The following RBMS3 variants were observed in gnomAD, a reference collection of about 807,000 sequenced individuals.
The protein encoded by RBMS3 is RNA-binding motif, single-stranded-interacting protein 3.
A neutral mutation model predicts 66.8 loss-of-function variants in RBMS3; 27 were observed. The ratio of observed to expected loss-of-function variants is 0.40; its 90% CI spans 0.30 to 0.56. The LOEUF is 0.56. RBMS3 is among the 20% of genes least tolerant of loss of function. The pLI, the probability that RBMS3 is intolerant of heterozygous loss-of-function variation, is 0.40. For missense variants in RBMS3, 513 were observed against 549.5 expected, an observed-to-expected ratio of 0.93 and a Z score of 0.66; for synonymous variants, 188 against 183.0, an observed-to-expected ratio of 1.03 and a Z score of -0.22.
intron 12 of RBMS3, among the ~76,000 whole-genome samples, chr3:29,977,463 A>G (rs1697668658): frequency 6.6e-6 from 1 of 152,172 alleles, no homozygotes; most frequent in Admixed American, 6.6e-5. Flanking sequence ...ATTCCACACT[A>G]ATAGAAACCA....
intron 5 of RBMS3, among the ~76,000 whole-genome samples, chr3:29,757,936 GTCTCA>G (rs1477542500): frequency 6.6e-6 from 1 of 152,074 alleles, no homozygotes; most frequent in Non-Finnish European, 1.5e-5. Flanking sequence ...TAGCTGTCCT[GTCTCA>G]TCAGCCTGCT....
intron 4 of RBMS3, among the ~76,000 whole-genome samples, chr3:29,671,285 A>T (rs2050989759): frequency 6.6e-6 from 1 of 152,234 alleles, no homozygotes; most frequent in Non-Finnish European, 1.5e-5. Flanking sequence ...GGTCACCATC[A>T]TCAAAGACCA....
intron 4 of RBMS3, among the ~76,000 whole-genome samples, chr3:29,662,477 C>T (rs957519189): frequency 4.6e-5 from 7 of 152,154 alleles, no homozygotes; most frequent in African/African-American, 1.7e-4. Flanking sequence ...TCTTGTGTTA[C>T]AAATATTGAC....
At chr3:29,629,782 T>C (rs781235617) in intron 4 of RBMS3, among the ~76,000 whole-genome samples, 1 of 152,116 alleles carries the variant, frequency 6.6e-6, no homozygotes, top group Non-Finnish European at 1.5e-5. Context: ...ACTCAGAAAC[T>C]AATTCACAGC....
At position 29,647,522 on chromosome 3, in the gene RBMS3, A is replaced by T. The variant is rs184778166; in HGVS notation, c.399+60317A>T. ...TCTAGATAGAGGTGGAAACCATAAC[A>T]ACTAAATATGCTGAAATAATTCAGT... On this transcript the variant is annotated intron_variant, in intron 4 of 14. Transcript: ENST00000383767. 2.9e-3 allele frequency among the ~76,000 whole-genome samples: 444 copies of T among 152,364 alleles called. 3 individuals carry two copies. The highest frequency in any genetic ancestry group is 0.01 in the African/African-American group (416 of 41,586).
chr3:29,823,689 T>C (rs775719782), intron 6 of RBMS3, among the ~76,000 whole-genome samples: 7 of 152,168 alleles, frequency 4.6e-5, no homozygotes, highest in Non-Finnish European at 1.0e-4. Context: ...TTTTATTAAG[T>C]AGTCATATAT....
intron 6 of RBMS3, among the ~76,000 whole-genome samples, chr3:29,796,712 CTT>C (rs71295051): frequency 2.1e-4 from 24 of 115,250 alleles, no homozygotes; most frequent in Admixed American, 2.8e-4. Flanking sequence ...TGAAAGGAAT[CTT>C]TTTTTTTTTT....
intron 6 of RBMS3, among the ~76,000 whole-genome samples, chr3:29,856,549 A>G (rs183949315): frequency 2.0e-5 from 3 of 152,214 alleles, no homozygotes; most frequent in Admixed American, 2.0e-4. Context: ...TTTACACTTT[A>G]GAAAGGTCTA....
At chr3:29,362,164 C>T (rs2037635558) in intron 1 of RBMS3, among the ~76,000 whole-genome samples, 1 of 152,100 alleles carries the variant, frequency 6.6e-6, no homozygotes. Context: ...CTGTTTTTTC[C>T]CCATCTTTGT....
At chr3:29,646,747 G>A (rs1033797348) in intron 4 of RBMS3, among the ~76,000 whole-genome samples, 12 of 147,626 alleles carry the variant, frequency 8.1e-5, no homozygotes, top group South Asian at 2.1e-4. Context: ...CTATTCCTGC[G>A]ATTCTGTCTT....
At chr3:29,757,346 G>A (rs1174170184) in intron 5 of RBMS3, among the ~76,000 whole-genome samples, 1 of 152,148 alleles carries the variant, frequency 6.6e-6, no homozygotes, top group Non-Finnish European at 1.5e-5. Context: ...CTATTAAAAG[G>A]AATCACAGAT....
At chr3:29,781,575 C>T (rs2056632799) in intron 6 of RBMS3, among the ~76,000 whole-genome samples, 1 of 152,072 alleles carries the variant, frequency 6.6e-6, no homozygotes, top group Admixed American at 6.6e-5. Flanking sequence ...TTATGAAATA[C>T]CTGAGAAACT....
intron 1 of RBMS3, among the ~76,000 whole-genome samples, chr3:29,302,753 A>G (rs909322182): frequency 1.3e-5 from 2 of 152,056 alleles, no homozygotes; most frequent in African/African-American, 4.8e-5. Flanking sequence ...CCTTGCCAAT[A>G]GAGAGAAGTT....
chr3:29,699,619 T>C (rs1297539298), intron 4 of RBMS3, among the ~76,000 whole-genome samples: 1 of 152,192 alleles, frequency 6.6e-6, no homozygotes, highest in Non-Finnish European at 1.5e-5. Context: ...CCTTTTTTTC[T>C]CAGTTAACAT....
intron 1 of RBMS3, among the ~76,000 whole-genome samples, chr3:29,358,923 T>G (rs1222348154): frequency 6.6e-6 from 1 of 152,216 alleles, no homozygotes; most frequent in Non-Finnish European, 1.5e-5. Context: ...CTGAAGTTGC[T>G]TATCAGCTTA....
In RBMS3 at chr3:29,960,298, T is replaced by C. The variant is rs558307193; in HGVS notation, c.1098+16044T>C. On this transcript the variant is annotated intron_variant, in intron 12 of 14. Transcript: ENST00000383767. Reference sequence around the variant, plus strand: ...AAGCTCCAAAATGATCTCCTTTGACTCCATGTCTCACATCCAGGGATGTGG... The same window carrying C: ...AAGCTCCAAAATGATCTCCTTTGACCCCATGTCTCACATCCAGGGATGTGG... 5.3e-5 allele frequency among the ~76,000 whole-genome samples: 8 copies of C among 152,304 alleles called. No individual in the cohort carries two copies. In the South Asian group the frequency reaches 1.7e-3, roughly 32 times the overall value.
chr3:29,640,886 G>A (rs2149195932), intron 4 of RBMS3, among the ~76,000 whole-genome samples: 1 of 152,020 alleles, frequency 6.6e-6, no homozygotes, highest in Non-Finnish European at 1.5e-5. Flanking sequence ...TGTCTCTACA[G>A]CTGTGTTTAC....
intron 4 of RBMS3, among the ~76,000 whole-genome samples, chr3:29,719,882 T>G (rs750055631): frequency 2.0e-5 from 3 of 152,176 alleles, no homozygotes; most frequent in Non-Finnish European, 4.4e-5. Context: ...GCTTCCCACC[T>G]AATTGGAACT....
intron 2 of RBMS3, among the ~76,000 whole-genome samples, chr3:29,471,555 C>A (rs945094974): frequency 2.0e-5 from 3 of 152,086 alleles, no homozygotes; most frequent in African/African-American, 7.2e-5. Flanking sequence ...TAACCACAAC[C>A]TATAATCCAA....
Sources: gnomAD v4.1 joint callset for allele counts (sites outside exome capture counted in the v4.1 genomes callset) on GRCh38, gnomAD v4.1.1 for gene constraint, MANE v1.5 for transcripts, NCBI Gene and HGNC (gene_info 2026-07-23, HGNC 2026-07-21) for gene names.